Variants in DOCK1 observed in about 807,000 individuals in gnomAD.
DOCK1 encodes the protein dedicator of cytokinesis 1.
A neutral mutation model predicts 262.7 loss-of-function variants in DOCK1; 138 were observed. The ratio of observed to expected loss-of-function variants is 0.53; its 90% CI spans 0.46 to 0.61. The LOEUF (loss-of-function observed/expected upper bound fraction) is 0.61, where lower values mean the gene tolerates loss of function less well. Among genes scored for constraint, DOCK1 ranks in the 20% least tolerant of loss-of-function variants. The pLI is 0.00. For missense variants in DOCK1, 1,908 were observed against 2,370.7 expected (o/e 0.80, Z 4.05); for synonymous variants, 866 against 867.4 (o/e 1.00, Z 0.03).
intron 1 of DOCK1, among the ~76,000 whole-genome samples, chr10:126,918,589 C>A (rs2032788735): frequency 6.6e-6 from 1 of 152,174 alleles, no homozygotes; most frequent in South Asian, 2.1e-4. Flanking sequence ...GTAGCAGGAT[C>A]CCCCTCCAGC....
chr10:127,414,352 G>C lies in DOCK1; in HGVS notation c.4429-800G>C, dbSNP rs896728037. Among the ~76,000 whole-genome samples the C allele has an allele frequency of 4.6e-5, 7 of 152,316 alleles. No homozygotes were observed. The South Asian group carries it at 1.2e-3, about 27-fold the overall frequency. Reference sequence around the variant, plus strand: ...TTGTTGCAAGCTAGACAGTACGAACGAGGCAGTAGGATAAAGGATTTCCAG... The same window carrying C: ...TTGTTGCAAGCTAGACAGTACGAACCAGGCAGTAGGATAAAGGATTTCCAG... On this transcript the variant is annotated intron_variant, in intron 43 of 51. Transcript: ENST00000623213.
chr10:127,122,740 C>G (rs780077506), intron 25 of DOCK1, among the ~76,000 whole-genome samples: 1 of 151,634 alleles, frequency 6.6e-6, no homozygotes, highest in Non-Finnish European at 1.5e-5. Flanking sequence ...TCAGGAGAGG[C>G]TGGATAGCAA....
rs571993552 is a variant in DOCK1, at chr10:127,056,471, C to T, written c.2336+3656C>T. On this transcript the variant is annotated intron_variant, in intron 22 of 51. Coordinates refer to ENST00000623213, the MANE Select transcript of DOCK1 (RefSeq NM_001290223.2). ...GTGGCCTCCCAAAGTGCCAGGATTC[C>T]AGGCATGAGCCCCTGTACCCCACTG... Among the ~76,000 whole-genome samples the T allele has an allele frequency of 2.7e-3, 407 of 152,274 alleles. 3 individuals carry two copies. The highest frequency in any genetic ancestry group is 9.2e-3 in the African/African-American group (382 of 41,554).
chr10:126,943,890 T>A (rs2035200322), intron 1 of DOCK1, among the ~76,000 whole-genome samples: 2 of 152,084 alleles, frequency 1.3e-5, no homozygotes, highest in Non-Finnish European at 2.9e-5. Context: ...CGAGGCTGGG[T>A]GCCAAGCAGG....
intron 29 of DOCK1, among the ~76,000 whole-genome samples, chr10:127,316,176 T>G (rs1049732340): frequency 6.6e-6 from 1 of 152,240 alleles, no homozygotes; most frequent in Non-Finnish European, 1.5e-5. Context: ...TCAGAGCACC[T>G]AAAATTTACT....
intron 1 of DOCK1, among the ~76,000 whole-genome samples, chr10:126,970,403 A>G (rs2038012065): frequency 6.6e-6 from 1 of 152,234 alleles, no homozygotes; most frequent in Non-Finnish European, 1.5e-5. Context: ...AAAATCTATT[A>G]GTGGAAATAA....
Position 127,374,105 on chromosome 10 carries a change from A to G in DOCK1, c.3566A>G (p.Glu1189Gly), listed in dbSNP as rs1035423763. 1 of 1,613,430 alleles carries G rather than the reference A, an allele frequency of 6.2e-7. No individual in the cohort carries two copies. Among genetic ancestry groups the G allele is most frequent in the Admixed American group, 1.7e-5 (1 of 59,952 alleles). Residue 1189 changes from glutamate (E) to glycine (G), a missense_variant, in exon 35 of 52, where the codon GAA (glutamate) becomes GGA (glycine). Glu to Gly is a moderately conservative substitution (Grantham distance 98). Around this residue, in one of 9 missense-constraint regions of DOCK1, gnomAD observed 518 missense variants for 575.1 expected, o/e 0.90. Transcript: ENST00000623213. Reference protein sequence around the residue: ...RKHKYLAKTGETFVKLVVRLM... With the variant: ...RKHKYLAKTGGTFVKLVVRLM... ...CACAAATACCTCGCCAAAACAGGAG[A>G]AACTTTTGTAAAACTCGTTGTGCGC... is the stretch of plus-strand genomic sequence containing the variant.
chr10:127,086,153 T>TA (rs1433430357), intron 23 of DOCK1, among the ~76,000 whole-genome samples: 2 of 99,428 alleles, frequency 2.0e-5, no homozygotes, highest in Non-Finnish European at 4.0e-5. Context: ...CCCCGCCCCT[T>TA]ACAGTCCTGT....
rs2060303300 is a variant in DOCK1, at chr10:127,264,996, C to T, written c.3044+7567C>T. 1.3e-5 allele frequency among the ~76,000 whole-genome samples: 2 copies of T among 152,140 alleles called. 1 individual carries two copies. Among genetic ancestry groups the T allele is most frequent in the Admixed American group, 1.3e-4 (2 of 15,272 alleles). On this transcript the variant is annotated intron_variant, in intron 29 of 51. Coordinates refer to ENST00000623213, the MANE Select transcript of DOCK1 (RefSeq NM_001290223.2). ...GATGTAGATCTTTATATAGGAGACA[C>T]TGAACAGGAGAAGATCATAGGGAAG... is the stretch of plus-strand genomic sequence containing the variant.
At chr10:127,078,919 G>A (rs902297470) in intron 23 of DOCK1, among the ~76,000 whole-genome samples, 4 of 152,102 alleles carry the variant, frequency 2.6e-5, no homozygotes, top group African/African-American at 9.7e-5. Flanking sequence ...GTTGGGAGCG[G>A]TATATTGCTG....
intron 42 of DOCK1, among the ~76,000 whole-genome samples, chr10:127,410,521 AAC>A (rs981390177): frequency 2.7e-4 from 41 of 152,308 alleles, no homozygotes; most frequent in African/African-American, 9.9e-4. Context: ...AATAATAATA[AAC>A]ACATACGTTG....
At chr10:127,025,669 C>G (rs1461871687) in intron 15 of DOCK1, among the ~76,000 whole-genome samples, 2 of 151,894 alleles carry the variant, frequency 1.3e-5, no homozygotes, top group Non-Finnish European at 2.9e-5. Flanking sequence ...AGGCTGGTCT[C>G]GAACTCCTGA....
chr10:127,184,317 C>CG, intron 27 of DOCK1, among the ~76,000 whole-genome samples: 1 of 151,190 alleles, frequency 6.6e-6, no homozygotes, highest in Middle Eastern at 3.4e-3. Flanking sequence ...ATTCATTCCC[C>CG]CCCCAGTCTA....
chr10:127,366,364 T>G (rs773338704), intron 33 of DOCK1, among the ~76,000 whole-genome samples: 2 of 152,092 alleles, frequency 1.3e-5, no homozygotes, highest in African/African-American at 2.4e-5. Flanking sequence ...GCCTGCAGCA[T>G]CATCCCCTTT....
At chr10:127,248,180 C>A (rs1590111158) in intron 28 of DOCK1, 71 bp downstream of exon 28, 2 of 1,261,894 alleles carry the variant, frequency 1.6e-6, no homozygotes, top group East Asian at 2.4e-5. Context: ...AGCCTGATAT[C>A]AATATATTCA....
chr10:127,127,567 T>C lies in DOCK1; in HGVS notation c.2752-102T>C, dbSNP rs949579260. 7.0e-5 allele frequency: 61 copies of C among 870,758 alleles called. 1 individual carries two copies. In the African/African-American group the frequency reaches 9.6e-4, roughly 14 times the overall value. The allele number at this position is 870,758 out of a possible 1,614,324, so 53.9% of individuals were successfully genotyped here. On this transcript the variant is annotated intron_variant, in intron 26 of 51. Transcript: ENST00000623213. ...TTTTTCATCTCATTAAGGGTTATAA[T>C]TGATTTACTCTTTACAGGGTAAATG...
chr10:127,136,429 A>T (rs775279122), intron 27 of DOCK1: 1 of 151,728 alleles, frequency 6.6e-6, no homozygotes, highest in Non-Finnish European at 1.5e-5. Flanking sequence ...AGAAACTTCA[A>T]GACTAGGTTT....
In DOCK1 at chr10:127,339,095, A is replaced by ACTT. The variant is rs1414379579; in HGVS notation, c.3123+11_3123+12insCTT. The ACTT allele has an allele frequency of 6.4e-7, 1 of 1,562,172 alleles. No individual in the cohort carries two copies. Among genetic ancestry groups the ACTT allele is most frequent in the African/African-American group, 1.4e-5 (1 of 73,554 alleles). The stretch of plus-strand genomic sequence containing the variant: ...AACTTTGAGCTACAGGTAAGAGAAG[A>ACTT]GGTAGACACGACCTTTGTGGAGAAA... On this transcript the variant is annotated intron_variant, in intron 30 of 51. Transcript: ENST00000623213.
intron 29 of DOCK1, among the ~76,000 whole-genome samples, chr10:127,270,114 CCTTCTCTCCTGTGGCAGGGGTGT>C (rs1414824164): frequency 6.6e-6 from 1 of 152,208 alleles, no homozygotes; most frequent in Non-Finnish European, 1.5e-5. Flanking sequence ...GAGCTGCCAT[CCTTCTCTCCTGTGGCAGGGGTGT>C]CTTCCTCTGA....
Sources: allele counts gnomAD v4.1 joint callset (sites outside exome capture counted in the v4.1 genomes callset), GRCh38; gene constraint gnomAD v4.1.1; regional missense constraint gnomAD v4.1.1; transcripts MANE v1.5; gene names NCBI Gene and HGNC (gene_info 2026-07-23, HGNC 2026-07-21).